FANCA: variants seen among roughly 807,000 people sequenced by gnomAD.
FANCA encodes FA complementation group A, also known as Fanconi anemia group A protein.
In FANCA, 236 loss-of-function variants were observed where a neutral mutation model predicts 194.3. The ratio of observed to expected loss-of-function variants is 1.21; its 90% CI spans 1.09 to 1.35. FANCA has a LOEUF of 1.35. Ranked by LOEUF, FANCA falls within the 40% of genes most tolerant of loss-of-function variation. The pLI is 0.00. For synonymous variants in FANCA, 1,014 were observed against 715.8 expected, an observed-to-expected ratio of 1.42 and a Z score of -6.65; for missense variants, 2,628 against 1,813.9, an observed-to-expected ratio of 1.45 and a Z score of -8.15.
At chr16:89,782,714 A>T in intron 17 of FANCA, 145 bp downstream of exon 17, 1 of 713,138 alleles carries the variant, frequency 1.4e-6, no homozygotes, top group Non-Finnish European at 2.5e-6. Flanking sequence ...AGAGGCCCGC[A>T]GAGCCTCGCC....
At position 89,782,891 on chromosome 16, in the gene FANCA, C is replaced by G. The variant is rs374490484; in HGVS notation, c.1594G>C (p.Glu532Gln). The G allele has an allele frequency of 6.2e-7, 1 of 1,614,098 alleles. No homozygotes were observed. Among genetic ancestry groups the G allele is most frequent in the Non-Finnish European group, 8.5e-7 (1 of 1,179,978 alleles). Residue 532 changes from glutamate (E) to glutamine (Q), a missense_variant, in exon 17 of 43, where the codon GAG becomes CAG. Transcript: ENST00000389301. The stretch of plus-strand genomic sequence containing the variant: ...ATGTCCCCAGCTGATGACAAATCCT[C>G]GTAGAGTCCCATGTTTTCTATAGAA... The part of the protein sequence containing the change: ...KVSIENMGLY[E>Q]DLSSAGDITE...
intron 27 of FANCA, 37 bp from the exon 28 acceptor site, chr16:89,765,103 G>T (rs138216948): frequency 6.2e-7 from 1 of 1,610,796 alleles, no homozygotes; most frequent in Non-Finnish European, 8.5e-7. Flanking sequence ...TCTTCATTGC[G>T]CAAGTTTCAC....
At chr16:89,758,022 A>C (rs2038822057) in intron 30 of FANCA, among the ~76,000 whole-genome samples, 1 of 151,860 alleles carries the variant, frequency 6.6e-6, no homozygotes, top group Admixed American at 6.6e-5. Context: ...CACTCAGCTA[A>C]TTTTTGTATT....
At chr16:89,793,499 G>A (rs1040657959) in intron 11 of FANCA, among the ~76,000 whole-genome samples, 1 of 152,116 alleles carries the variant, frequency 6.6e-6, no homozygotes, top group Non-Finnish European at 1.5e-5. Flanking sequence ...TCATATCTAA[G>A]ATCTATATCT....
chr16:89,780,623 C>A (rs75468724), intron 17 of FANCA, among the ~76,000 whole-genome samples: 94 of 140,090 alleles, frequency 6.7e-4, no homozygotes, highest in Middle Eastern at 3.6e-3. Flanking sequence ...GTCCCTGCAT[C>A]AAAAAAAAAA....
chr16:89,742,348 C>T (rs999323985), intron 37 of FANCA, among the ~76,000 whole-genome samples: 2 of 152,048 alleles, frequency 1.3e-5, no homozygotes, highest in African/African-American at 4.8e-5. Context: ...GTCTGAGCTA[C>T]TCCAGAGGCT....
At chr16:89,790,200 G>C (rs1306187463) in intron 14 of FANCA, among the ~76,000 whole-genome samples, 1 of 151,970 alleles carries the variant, frequency 6.6e-6, no homozygotes, top group Non-Finnish European at 1.5e-5. Context: ...TCAGGATTTT[G>C]AGACCAGCCT....
chr16:89,792,106 A>C, intron 12 of FANCA, 38 bp from the exon 13 acceptor site: 2 of 1,613,952 alleles, frequency 1.2e-6, no homozygotes, highest in Non-Finnish European at 1.7e-6. Context: ...ATATCCAAGC[A>C]AACCAATGTG....
chr16:89,797,602 G>A (rs538570402), intron 10 of FANCA, among the ~76,000 whole-genome samples: 3 of 152,282 alleles, frequency 2.0e-5, no homozygotes, highest in African/African-American at 4.8e-5. Flanking sequence ...GGCAGGCCAG[G>A]TGCGGTGGCT....
At chr16:89,775,713 C>T (rs2039477667) in intron 21 of FANCA, 29 bp downstream of exon 21, 3 of 1,585,858 alleles carry the variant, frequency 1.9e-6, no homozygotes, top group Non-Finnish European at 2.6e-6. Context: ...GCACAAGTCC[C>T]AGAGTGGACA....
chr16:89,737,765 G>C lies in FANCA; in HGVS notation c.*836C>G. Reference sequence around the variant, plus strand: ...TCATCGTCGTCCCCCCGGGAGGTTGGAGCATCAGGGGCCTGGACTCACTGG... The same window carrying C: ...TCATCGTCGTCCCCCCGGGAGGTTGCAGCATCAGGGGCCTGGACTCACTGG... On this transcript the variant is annotated 3_prime_UTR_variant, in exon 43 of 43. Transcript: ENST00000389301. 1 of 1,611,642 alleles carries C rather than the reference G, an allele frequency of 6.2e-7. No homozygotes were observed. The highest frequency in any genetic ancestry group is 8.5e-7 in the Non-Finnish European group (1 of 1,178,070).
At position 89,770,261 on chromosome 16, in the gene FANCA, T is replaced by C. The variant is rs1255001518; in HGVS notation, c.2223-2A>G. ...AAGAGGGCAGCCCAGGGACCCTGCC[T>C]GCAGAGACAGCCGTGAAACCATCAG... is the stretch of plus-strand genomic sequence containing the variant. On this transcript the variant is annotated splice_acceptor_variant, in intron 24 of 42. Coordinates refer to ENST00000389301, the MANE Select transcript of FANCA (RefSeq NM_000135.4). LOFTEE classifies it high-confidence loss of function. 1 of 1,570,972 alleles carries C rather than the reference T, an allele frequency of 6.4e-7. No homozygotes were observed. Among genetic ancestry groups the C allele is most frequent in the South Asian group, 1.2e-5 (1 of 85,524 alleles).
At position 89,778,828 on chromosome 16, in the gene FANCA, C is replaced by G. The variant is rs775917892; in HGVS notation, c.1799G>C (p.Arg600Pro). The G allele has an allele frequency of 6.2e-7, 1 of 1,614,008 alleles. No individual in the cohort carries two copies. Among genetic ancestry groups the G allele is most frequent in the Admixed American group, 1.7e-5 (1 of 59,976 alleles). ...CTTCAGAGACTCTATAAACGCCACACGGGAGTCAGGGACTTTGGGGAGCTG... is the reference window on the plus strand; with the variant it reads ...CTTCAGAGACTCTATAAACGCCACAGGGGAGTCAGGGACTTTGGGGAGCTG... The part of the protein sequence containing the change: ...PRVLPKVPDS[R>P]VAFIESLKRA... The change falls in exon 20 of 43, where the codon CGT (arginine) becomes CCT (proline). Residue 600 changes from arginine to proline, a missense_variant. Transcript: ENST00000389301.
chr16:89,778,844 T>C lies in FANCA; in HGVS notation c.1783A>G (p.Lys595Glu), dbSNP rs1449723628. 1.2e-6 allele frequency: 2 copies of C among 1,613,960 alleles called. No individual in the cohort carries two copies. The highest frequency in any genetic ancestry group is 1.7e-6 in the Non-Finnish European group (2 of 1,179,992). Residue 595 changes from lysine to glutamate, a missense_variant, in exon 20 of 43, where the codon AAA becomes GAA. By Grantham distance (56) the Lys-to-Glu change is moderately conservative. Coordinates refer to ENST00000389301, the MANE Select transcript of FANCA (RefSeq NM_000135.4). Reference protein sequence around the residue: ...PALLTPRVLPKVPDSRVAFIE... With the variant: ...PALLTPRVLPEVPDSRVAFIE... ...AACGCCACACGGGAGTCAGGGACTT[T>C]GGGGAGCTGTGGGAAGAGAAGAGAC...
chr16:89,812,240 G>C (rs942667736), intron 3 of FANCA, among the ~76,000 whole-genome samples: 2 of 151,876 alleles, frequency 1.3e-5, no homozygotes, highest in African/African-American at 4.8e-5. Context: ...TCAGGAGGCT[G>C]AGGCGAAGAA....
intron 28 of FANCA, among the ~76,000 whole-genome samples, chr16:89,764,203 C>G (rs556833577): frequency 1.2e-4 from 18 of 152,190 alleles, no homozygotes; most frequent in African/African-American, 4.3e-4. Context: ...GACTGCACCA[C>G]TGAGCACAGC....
At chr16:89,742,961 A>G (rs372190572) in intron 36 of FANCA, 23 bp from the exon 37 acceptor site, 2 of 1,612,328 alleles carry the variant, frequency 1.2e-6, no homozygotes, top group Non-Finnish European at 1.7e-6. Flanking sequence ...GAACGGGGTC[A>G]TTGCAGGGCC....
At chr16:89,771,891 C>A in intron 22 of FANCA, 77 bp from the exon 23 acceptor site, 1 of 1,550,944 alleles carries the variant, frequency 6.4e-7, no homozygotes. Flanking sequence ...AGAGCTCCGC[C>A]TCCCGTCAAG....
rs948062008 is a variant in FANCA at position 89,816,256 on chromosome 16, G to A, written c.80-270C>T. 1.8e-5 allele frequency: 8 copies of A among 448,346 alleles called. No homozygotes were observed. In the Admixed American group the frequency reaches 2.1e-4, roughly 12 times the overall value. The allele number at this position is 448,346 out of a possible 1,614,324, so 27.8% of individuals were successfully genotyped here. A position where few individuals can be genotyped will look rare whatever the true frequency, so the allele number is the denominator to read the frequency against. ...TCTGCGCTGAGGGGAGCCCCAGGCC[G>A]CGCACCCCAGGCCCGCCTGACAGGG... is the stretch of plus-strand genomic sequence containing the variant. On this transcript the variant is annotated intron_variant, in intron 1 of 42. Transcript: ENST00000389301.
Sources: gnomAD v4.1 joint callset for allele counts (sites outside exome capture counted in the v4.1 genomes callset) on GRCh38, gnomAD v4.1.1 for gene constraint, MANE v1.5 for transcripts, NCBI Gene and HGNC (gene_info 2026-07-23, HGNC 2026-07-21) for gene names.